Variants in KCNIP4 observed in about 807,000 individuals in gnomAD.
KCNIP4 encodes potassium voltage-gated channel interacting protein 4.
Under a neutral mutation model 34.0 loss-of-function variants are expected in KCNIP4, and 12 were observed. The observed-to-expected ratio is 0.35, with a 90% CI of 0.23 to 0.57. The LOEUF is 0.57. Among genes scored for constraint, KCNIP4 ranks in the 20% least tolerant of loss-of-function variants. KCNIP4 has a pLI of 0.83. For synonymous variants in KCNIP4, 124 were observed against 102.2 expected, an observed-to-expected ratio of 1.21 and a Z score of -1.29; for missense variants, 238 against 311.7, an observed-to-expected ratio of 0.76 and a Z score of 1.78.
chr4:21,400,170 T>C (rs1560368567), intron 1 of KCNIP4, among the ~76,000 whole-genome samples: 2 of 152,152 alleles, frequency 1.3e-5, no homozygotes, highest in Non-Finnish European at 2.9e-5. Context: ...GTTTAATTCA[T>C]TGTATTCCAT....
At chr4:20,747,977 C>A (rs1342953696) in intron 5 of KCNIP4, among the ~76,000 whole-genome samples, 4 of 152,160 alleles carry the variant, frequency 2.6e-5, no homozygotes, top group Admixed American at 1.3e-4. Flanking sequence ...GTTTTAATTT[C>A]TTTTGAATTT....
intron 1 of KCNIP4, among the ~76,000 whole-genome samples, chr4:21,371,466 G>A (rs1720443267): frequency 6.8e-6 from 1 of 146,730 alleles, no homozygotes; most frequent in South Asian, 2.1e-4. Context: ...TGCTTACCAG[G>A]TGCACACTCT....
intron 1 of KCNIP4, among the ~76,000 whole-genome samples, chr4:21,372,777 TCA>T (rs1387548836): frequency 1.4e-5 from 2 of 146,376 alleles, no homozygotes; most frequent in African/African-American, 5.5e-5. Context: ...AAAGAGGCTA[TCA>T]CATAATAATT....
intron 1 of KCNIP4, among the ~76,000 whole-genome samples, chr4:21,321,973 ATGG>A (rs1436203217): frequency 7.4e-6 from 1 of 135,012 alleles, no homozygotes; most frequent in Non-Finnish European, 1.6e-5. Flanking sequence ...GGAAAGAGAA[ATGG>A]TGGAAGGGAA....
intron 1 of KCNIP4, among the ~76,000 whole-genome samples, chr4:21,757,568 G>A (rs994423750): frequency 6.6e-6 from 1 of 152,112 alleles, no homozygotes; most frequent in Non-Finnish European, 1.5e-5. Flanking sequence ...TTCTTTTTTA[G>A]AGACGTCTTC....
intron 1 of KCNIP4, among the ~76,000 whole-genome samples, chr4:21,209,304 A>G (rs1005791128): frequency 2.0e-5 from 3 of 152,128 alleles, no homozygotes; most frequent in Non-Finnish European, 4.4e-5. Flanking sequence ...CTAATATATC[A>G]TTAACTATAG....
At chr4:21,339,906 T>C (rs77304480) in intron 1 of KCNIP4, among the ~76,000 whole-genome samples, 3,578 of 152,310 alleles carry the variant, frequency 0.023, 111 homozygotes, top group Admixed American at 0.082. Flanking sequence ...GCCTTTCTTA[T>C]AATTTTCTAC....
rs886967402 is a variant in KCNIP4, at chr4:20,728,788, C to CTGAT, written c.*1290_*1293dup. On this transcript the variant is annotated 3_prime_UTR_variant, in exon 9 of 9. Coordinates refer to ENST00000382152, the MANE Select transcript of KCNIP4 (RefSeq NM_025221.6). Reference sequence around the variant, plus strand: ...CCTATCTCTACACCAGAATAGATACCTGATTTATTGTTGCAAAGACAGTTG... The same window carrying CTGAT: ...CCTATCTCTACACCAGAATAGATACCTGATTGATTTATTGTTGCAAAGACAGTTG... 1.3e-5 allele frequency: 2 copies of CTGAT among 152,538 alleles called. No homozygotes were observed. The highest frequency in any genetic ancestry group is 2.4e-5 in the African/African-American group (1 of 41,422). The allele number at this position is 152,538 out of a possible 1,614,324, so 9.4% of individuals were successfully genotyped here.
At chr4:21,669,666 A>G (rs529645040) in intron 1 of KCNIP4, among the ~76,000 whole-genome samples, 1 of 152,274 alleles carries the variant, frequency 6.6e-6, no homozygotes, top group South Asian at 2.1e-4. Context: ...AATGCAAAGT[A>G]TGATGACCCC....
chr4:21,065,698 C>T (rs187535030), intron 1 of KCNIP4, among the ~76,000 whole-genome samples: 10 of 125,196 alleles, frequency 8.0e-5, no homozygotes, highest in Non-Finnish European at 3.2e-5. Flanking sequence ...TTTAGGAGGT[C>T]ATTATATCAT....
At chr4:21,139,604 A>G (rs1022577051) in intron 1 of KCNIP4, among the ~76,000 whole-genome samples, 4 of 152,116 alleles carry the variant, frequency 2.6e-5, no homozygotes, top group African/African-American at 9.7e-5. Context: ...AAGAGACATG[A>G]CTTTCCATCT....
intron 2 of KCNIP4, among the ~76,000 whole-genome samples, chr4:20,851,665 C>T (rs1312864780): frequency 1.3e-5 from 2 of 152,104 alleles, no homozygotes; most frequent in African/African-American, 2.4e-5. Context: ...GTAAAAGTTT[C>T]CCTTTTTCTC....
At chr4:20,825,794 T>G (rs143271575) in intron 3 of KCNIP4, among the ~76,000 whole-genome samples, 19 of 152,232 alleles carry the variant, frequency 1.2e-4, no homozygotes, top group Non-Finnish European at 2.2e-4. Flanking sequence ...AACAGAACCC[T>G]AAGGAACAGA....
chr4:21,308,614 A>G (rs780989721), intron 1 of KCNIP4, among the ~76,000 whole-genome samples: 1 of 152,190 alleles, frequency 6.6e-6, no homozygotes, highest in South Asian at 2.1e-4. Context: ...CATCACCAGC[A>G]TAAGTAACCC....
At chr4:20,741,589 T>C (rs1019058025) in intron 5 of KCNIP4, among the ~76,000 whole-genome samples, 3 of 152,170 alleles carry the variant, frequency 2.0e-5, no homozygotes, top group Non-Finnish European at 2.9e-5. Context: ...GGGAAATTTA[T>C]AGCACTCAAA....
intron 1 of KCNIP4, among the ~76,000 whole-genome samples, chr4:21,187,619 C>T (rs1755331847): frequency 6.6e-6 from 1 of 152,154 alleles, no homozygotes. Context: ...TTGTCAGGAG[C>T]ACATTGCCTG....
intron 1 of KCNIP4, among the ~76,000 whole-genome samples, chr4:21,210,333 T>G (rs1259040360): frequency 6.6e-6 from 1 of 152,230 alleles, no homozygotes; most frequent in East Asian, 1.9e-4. Context: ...TGTTCTCATC[T>G]GCATTCTCCC....
intron 1 of KCNIP4, among the ~76,000 whole-genome samples, chr4:20,909,164 G>T (rs904962425): frequency 2.0e-5 from 3 of 152,200 alleles, no homozygotes; most frequent in Non-Finnish European, 4.4e-5. Context: ...TTATTGAATA[G>T]ACTAGAAAAT....
At chr4:20,817,003 G>A (rs1716476975) in intron 3 of KCNIP4, among the ~76,000 whole-genome samples, 1 of 152,092 alleles carries the variant, frequency 6.6e-6, no homozygotes, top group African/African-American at 2.4e-5. Context: ...GGCATTCAAG[G>A]GAGTTTAATG....
Sources: allele counts gnomAD v4.1 joint callset (sites outside exome capture counted in the v4.1 genomes callset), GRCh38; gene constraint gnomAD v4.1.1; transcripts MANE v1.5; gene names NCBI Gene and HGNC (gene_info 2026-07-23, HGNC 2026-07-21).